Variants in ITGB3BP observed in about 807,000 individuals in gnomAD.
ITGB3BP encodes centromere protein R.
ITGB3BP carries 27 observed loss-of-function variants against 29.1 expected under a neutral mutation model. The observed-to-expected ratio is 0.93, with a 90% CI of 0.68 to 1.28. The LOEUF (loss-of-function observed/expected upper bound fraction) is 1.28, where lower values mean the gene tolerates loss of function less well. ITGB3BP is among the 50% of genes most tolerant of loss of function. ITGB3BP has a pLI of 0.00. For synonymous variants in ITGB3BP, 61 were observed against 61.4 expected (o/e 0.99, Z 0.03); for missense variants, 192 against 200.2 (o/e 0.96, Z 0.25).
Position 63,523,129 on chromosome 1 carries a change from G to T in ITGB3BP, c.5C>A (p.Pro2His). The change falls in exon 1 of 9, where the codon CCT becomes CAT. Residue 2 changes from proline (P) to histidine (H), a missense_variant and splice_region_variant. Pro to His is a moderately conservative substitution (Grantham distance 77, BLOSUM62 -2). Transcript: ENST00000271002. ...CAATACCTGGGGAGGAGATACCTACGGCATTCTGAGATTCGGGAAAGCACC... is the reference window on the plus strand; with the variant it reads ...CAATACCTGGGGAGGAGATACCTACTGCATTCTGAGATTCGGGAAAGCACC... M[P>H]VKRSLKLDGL... 1 of 1,614,150 alleles carries T rather than the reference G, an allele frequency of 6.2e-7. No individual in the cohort carries two copies. The highest frequency in any genetic ancestry group is 8.5e-7 in the Non-Finnish European group (1 of 1,180,012).
At chr1:63,519,902 G>GC (rs1646411746) in intron 1 of ITGB3BP, among the ~76,000 whole-genome samples, 1 of 152,020 alleles carries the variant, frequency 6.6e-6, no homozygotes, top group African/African-American at 2.4e-5. Flanking sequence ...CAGCAGAATG[G>GC]CCCCCACTGT....
intron 3 of ITGB3BP, among the ~76,000 whole-genome samples, chr1:63,488,649 CAT>C (rs1285777286): frequency 6.6e-6 from 1 of 151,922 alleles, no homozygotes; most frequent in Non-Finnish European, 1.5e-5. Flanking sequence ...TTACAAATGA[CAT>C]AATCTCATAC....
intron 2 of ITGB3BP, among the ~76,000 whole-genome samples, chr1:63,507,786 A>G (rs1451368786): frequency 1.3e-5 from 2 of 152,200 alleles, no homozygotes; most frequent in African/African-American, 4.8e-5. Context: ...CCATTTATTG[A>G]AATGGCATTC....
At chr1:63,505,937 T>C (rs1479256433) in intron 2 of ITGB3BP, among the ~76,000 whole-genome samples, 1 of 152,210 alleles carries the variant, frequency 6.6e-6, no homozygotes, top group Non-Finnish European at 1.5e-5. Context: ...CTTCCAACTA[T>C]GTGGTCAATT....
chr1:63,502,430 G>C (rs1645954476), intron 2 of ITGB3BP, among the ~76,000 whole-genome samples: 1 of 151,820 alleles, frequency 6.6e-6, no homozygotes, highest in Non-Finnish European at 1.5e-5. Context: ...CCTGAGACTG[G>C]GAGGAAAAAG....
At chr1:63,467,608 C>T (rs574866684) in intron 4 of ITGB3BP, among the ~76,000 whole-genome samples, 3 of 152,044 alleles carry the variant, frequency 2.0e-5, no homozygotes, top group South Asian at 4.3e-4. Flanking sequence ...TGGGCTCAAG[C>T]GATCCTCCTA....
intron 3 of ITGB3BP, among the ~76,000 whole-genome samples, chr1:63,488,863 T>C (rs1645584913): frequency 6.6e-6 from 1 of 152,090 alleles, no homozygotes; most frequent in Admixed American, 6.6e-5. Context: ...CTTAGGACTA[T>C]AATCTGTGAT....
At chr1:63,491,823 C>T (rs1645654378) in intron 2 of ITGB3BP, among the ~76,000 whole-genome samples, 1 of 152,116 alleles carries the variant, frequency 6.6e-6, no homozygotes, top group Non-Finnish European at 1.5e-5. Context: ...CAAGTTATAA[C>T]TCTAAAGCAA....
intron 4 of ITGB3BP, among the ~76,000 whole-genome samples, chr1:63,459,181 T>C (rs571079768): frequency 1.3e-5 from 2 of 152,220 alleles, no homozygotes; most frequent in African/African-American, 4.8e-5. Context: ...ATTTAATGAA[T>C]CTTCTTTCAC....
At chr1:63,499,341 G>C (rs1434616177) in intron 2 of ITGB3BP, among the ~76,000 whole-genome samples, 1 of 151,824 alleles carries the variant, frequency 6.6e-6, no homozygotes, top group South Asian at 2.1e-4. Flanking sequence ...GTAGAGAAGG[G>C]GGTTTCTCCA....
intron 4 of ITGB3BP, among the ~76,000 whole-genome samples, chr1:63,455,396 A>G (rs1481091085): frequency 6.6e-6 from 1 of 152,016 alleles, no homozygotes; most frequent in African/African-American, 2.4e-5. Context: ...TTTTGGAAAA[A>G]TGCTTCTAGT....
At chr1:63,497,311 A>C (rs1165934477) in intron 2 of ITGB3BP, among the ~76,000 whole-genome samples, 1 of 152,142 alleles carries the variant, frequency 6.6e-6, no homozygotes, top group East Asian at 1.9e-4. Flanking sequence ...ATTCTAAAAA[A>C]ATAAAATAAA....
intron 3 of ITGB3BP, among the ~76,000 whole-genome samples, chr1:63,479,945 C>T (rs965874971): frequency 8.6e-5 from 13 of 151,982 alleles, no homozygotes; most frequent in Admixed American, 7.2e-4. Context: ...ATTTAATATC[C>T]TTTGAATATA....
At chr1:63,515,660 T>C (rs1177152117) in intron 1 of ITGB3BP, among the ~76,000 whole-genome samples, 1 of 151,522 alleles carries the variant, frequency 6.6e-6, no homozygotes, top group Non-Finnish European at 1.5e-5. Flanking sequence ...ACCCCATCTC[T>C]ACTAAAAATA....
At chr1:63,508,643 G>T (rs958580537) in intron 1 of ITGB3BP, 73 bp from the exon 2 acceptor site, 1 of 656,292 alleles carries the variant, frequency 1.5e-6, no homozygotes. Context: ...ATTAAGGGAA[G>T]ATATATAAAC....
At chr1:63,489,950 A>G in intron 3 of ITGB3BP, 133 bp downstream of exon 3, 2 of 738,176 alleles carry the variant, frequency 2.7e-6, no homozygotes, top group South Asian at 3.6e-5. Context: ...TAATACCTAT[A>G]TTAAGGTATT....
At chr1:63,483,069 A>G (rs1645468682) in intron 3 of ITGB3BP, among the ~76,000 whole-genome samples, 1 of 152,240 alleles carries the variant, frequency 6.6e-6, no homozygotes, top group Non-Finnish European at 1.5e-5. Flanking sequence ...ATCGCTGAGA[A>G]AATTGAAATC....
rs1023593274 is a variant in ITGB3BP at position 63,454,161 on chromosome 1, C to T, written c.428-187G>A. 6.6e-6 allele frequency among the ~76,000 whole-genome samples: 1 copy of T among 151,824 alleles called. No individual in the cohort carries two copies. Among genetic ancestry groups the T allele is most frequent in the African/African-American group, 2.4e-5 (1 of 41,348 alleles). ...GGCATTACATTTGAAATGCCTACTA[C>T]CAGTTTCCAAGGTGCATTCTTTTCA... On this transcript the variant is annotated intron_variant, in intron 6 of 8. Coordinates refer to ENST00000271002, the MANE Select transcript of ITGB3BP (RefSeq NM_014288.5). The surrounding 1 kb of genome is among the most constrained non-coding windows in gnomAD (Gnocchi z 4.1).
intron 4 of ITGB3BP, among the ~76,000 whole-genome samples, chr1:63,473,118 T>C (rs1216622176): frequency 6.6e-6 from 1 of 150,442 alleles, no homozygotes; most frequent in Non-Finnish European, 1.5e-5. Context: ...GGAGCACCTC[T>C]GCCCTGCCGC....
Sources: gnomAD v4.1 joint callset for allele counts (sites outside exome capture counted in the v4.1 genomes callset) on GRCh38, gnomAD v4.1.1 for gene constraint, Gnocchi (gnomAD v3.1) non-coding constraint, MANE v1.5 for transcripts, NCBI Gene and HGNC (gene_info 2026-07-23, HGNC 2026-07-21) for gene names.